Variants in PAM16 observed in about 807,000 individuals in gnomAD.
The protein encoded by PAM16 is mitochondrial import inner membrane translocase subunit TIM16.
A neutral mutation model predicts 17.9 loss-of-function variants in PAM16; 11 were observed. The observed-to-expected ratio is 0.62, with a 90% CI of 0.39 to 1.02. The LOEUF (loss-of-function observed/expected upper bound fraction) is 1.02, where lower values mean the gene tolerates loss of function less well. Among genes scored for constraint, PAM16 ranks in the 50% least tolerant of loss-of-function variants. The pLI is 0.01. For missense variants in PAM16, 199 were observed against 165.4 expected (o/e 1.20, Z -1.11); for synonymous variants, 72 against 67.4 (o/e 1.07, Z -0.34).
chr16:4,344,897 G>C (rs1373370247), intron 1 of PAM16, among the ~76,000 whole-genome samples: 1 of 151,864 alleles, frequency 6.6e-6, no homozygotes, highest in African/African-American at 2.4e-5. Context: ...TTGCAGGGTA[G>C]GAAGAATCAT....
intron 1 of PAM16, among the ~76,000 whole-genome samples, chr16:4,349,371 C>T (rs921564232): frequency 3.3e-5 from 5 of 152,162 alleles, no homozygotes; most frequent in Non-Finnish European, 1.5e-5. Flanking sequence ...AGTTTGAGAC[C>T]AGCCTGGCAA....
At chr16:4,344,866 G>A (rs1428781266) in intron 1 of PAM16, among the ~76,000 whole-genome samples, 1 of 149,044 alleles carries the variant, frequency 6.7e-6, no homozygotes, top group Non-Finnish European at 1.5e-5. Flanking sequence ...TGAGAGGAGG[G>A]GGTTCCTCCT....
chr16:4,348,907 G>A (rs1325062958), intron 1 of PAM16, among the ~76,000 whole-genome samples: 2 of 148,468 alleles, frequency 1.3e-5, no homozygotes, highest in African/African-American at 5.0e-5. Context: ...TCCACCCAAA[G>A]TGCTGGGATT....
At chr16:4,347,989 A>T (rs1346881208) in intron 1 of PAM16, 1 of 152,248 alleles carries the variant, frequency 6.6e-6, no homozygotes, top group African/African-American at 2.4e-5. Flanking sequence ...TGGGGCTTAC[A>T]CTGACTTGTG....
Position 4,350,904 on chromosome 16 carries a change from T to C in PAM16, c.3+328A>G, listed in dbSNP as rs1000390120. 4.3e-4 allele frequency: 109 copies of C among 254,076 alleles called. 1 individual carries two copies. Among genetic ancestry groups the C allele is most frequent in the Admixed American group, 5.5e-5 (1 of 18,100 alleles). The allele number at this position is 254,076 out of a possible 1,614,324, so 15.7% of individuals were successfully genotyped here. On this transcript the variant is annotated intron_variant, in intron 1 of 4. Coordinates refer to ENST00000318059, the MANE Select transcript of PAM16 (RefSeq NM_016069.11). ...GGCAGCAACATCGACTCTGCAGCGC[T>C]GTAAGGTTCCAGGGCAGGGGAGGCG... is the stretch of plus-strand genomic sequence containing the variant.
chr16:4,343,528 A>C (rs2053685051), intron 1 of PAM16: 1 of 1,424,476 alleles, frequency 7.0e-7, no homozygotes, highest in Non-Finnish European at 9.1e-7. Flanking sequence ...TCCCAGAGGC[A>C]GACTGGCCCC....
At chr16:4,343,321 G>A in intron 1 of PAM16, 30 bp from the exon 2 acceptor site, 1 of 1,579,388 alleles carries the variant, frequency 6.3e-7, no homozygotes, top group Non-Finnish European at 8.6e-7. Context: ...CCGGTTAGCA[G>A]GCCACTCCCT....
At chr16:4,344,126 A>T in intron 1 of PAM16, 1 of 396,482 alleles carries the variant, frequency 2.5e-6, no homozygotes, top group Non-Finnish European at 4.4e-6. Context: ...GGACTCACTA[A>T]GATGTGAGCG....
chr16:4,344,890 C>T (rs1218528434), intron 1 of PAM16, among the ~76,000 whole-genome samples: 10 of 150,764 alleles, frequency 6.6e-5, no homozygotes, highest in African/African-American at 2.0e-4. Flanking sequence ...CTGGGCTTTG[C>T]AGGGTAGGAA....
rs748842835 is a variant in PAM16 at position 4,340,949 on chromosome 16, C to T, written c.262G>A (p.Val88Met). Residue 88 changes from valine to methionine, a missense_variant, in exon 4 of 5, where the codon GTG (valine) becomes ATG (methionine). Coordinates refer to ENST00000318059, the MANE Select transcript of PAM16 (RefSeq NM_016069.11). ...GACTGCAGGTAGAAGGAGCCACCCA[C>T]GGATTTATCATTCACCTTAAATAAG... ...EHLFKVNDKSVGGSFYLQSKV... is the reference protein window; with the variant it reads ...EHLFKVNDKSMGGSFYLQSKV... The T allele has an allele frequency of 3.7e-6, 6 of 1,613,596 alleles. No homozygotes were observed. The Admixed American group carries it at 5.0e-5, about 13-fold the overall frequency.
chr16:4,340,322 C>T lies in PAM16; in HGVS notation c.375G>A (p.Thr125=), dbSNP rs368337855. The change falls in exon 5 of 5, where the codon ACG becomes ACA. Residue 125 remains threonine, a synonymous_variant. Coordinates refer to ENST00000318059, the MANE Select transcript of PAM16 (RefSeq NM_016069.11). ...GTGGGCGGGGGGAGCCGAGCAGTCA[C>T]GTATGGGGCATCTGCCCTTTTTCTC... ...EDREKGQMPH[T] The T allele has an allele frequency of 1.7e-5, 28 of 1,612,366 alleles. No individual in the cohort carries two copies. The African/African-American group carries it at 2.5e-4, about 15-fold the overall frequency.
chr16:4,342,372 G>A (rs1029524411), intron 2 of PAM16, among the ~76,000 whole-genome samples: 1 of 145,866 alleles, frequency 6.9e-6, no homozygotes, highest in Non-Finnish European at 1.5e-5. Flanking sequence ...GAAAACAAAA[G>A]GGCTGGGTGC....
chr16:4,348,368 G>GCC (rs1177955451), intron 1 of PAM16: 1 of 152,244 alleles, frequency 6.6e-6, no homozygotes, highest in Non-Finnish European at 1.5e-5. Context: ...ATTCTCCACC[G>GCC]CCGCCTGCAG....
chr16:4,350,217 C>A (rs1429514602), intron 1 of PAM16, among the ~76,000 whole-genome samples: 1 of 151,216 alleles, frequency 6.6e-6, no homozygotes, highest in African/African-American at 2.4e-5. Context: ...TGGGTTCAAG[C>A]GATACTGGCG....
intron 1 of PAM16, among the ~76,000 whole-genome samples, chr16:4,344,497 T>C (rs1010711981): frequency 8.7e-4 from 52 of 59,910 alleles, no homozygotes; most frequent in East Asian, 1.6e-3. Context: ...GAGGGGGTTC[T>C]GTGAGAGGAG....
chr16:4,348,950 TTTC>T (rs1268862109), intron 1 of PAM16, among the ~76,000 whole-genome samples: 2 of 142,058 alleles, frequency 1.4e-5, no homozygotes, highest in Admixed American at 1.4e-4. Context: ...GGCCTAGCAC[TTTC>T]TTTTTTTTTT....
chr16:4,346,699 T>G (rs1034341249), intron 1 of PAM16: 1 of 152,198 alleles, frequency 6.6e-6, no homozygotes, highest in South Asian at 2.1e-4. Context: ...AATCTTTTTT[T>G]GTTTTGGTTT....
chr16:4,350,707 C>A (rs574676145), intron 1 of PAM16, among the ~76,000 whole-genome samples: 1 of 152,156 alleles, frequency 6.6e-6, no homozygotes, highest in Non-Finnish European at 1.5e-5. Flanking sequence ...GCCAAACCTG[C>A]ACTTTTAAAG....
intron 1 of PAM16, chr16:4,348,085 G>A (rs958333336): frequency 6.6e-6 from 1 of 152,218 alleles, no homozygotes; most frequent in Non-Finnish European, 1.5e-5. Context: ...TCACTCTCAA[G>A]GACACTCTGG....
Sources: gnomAD v4.1 joint callset for allele counts (sites outside exome capture counted in the v4.1 genomes callset) on GRCh38, gnomAD v4.1.1 for gene constraint, MANE v1.5 for transcripts, NCBI Gene and HGNC (gene_info 2026-07-23, HGNC 2026-07-21) for gene names.